DNHD1: variants seen among roughly 807,000 people sequenced by gnomAD.
DNHD1 encodes dynein heavy chain domain 1, also known as dynein heavy chain domain-containing protein 1.
A neutral mutation model predicts 458.1 loss-of-function variants in DNHD1; 383 were observed. The observed-to-expected ratio is 0.84, with a 90% CI of 0.77 to 0.91. DNHD1 has a LOEUF of 0.91. DNHD1 is among the 40% of genes least tolerant of loss of function. The pLI is 0.00. For missense variants in DNHD1, 5,336 were observed against 5,866.1 expected, an observed-to-expected ratio of 0.91 and a Z score of 2.95; for synonymous variants, 2,203 against 2,376.9, an observed-to-expected ratio of 0.93 and a Z score of 2.13.
At chr11:6,541,338 C>A (rs1853095172) in intron 18 of DNHD1, among the ~76,000 whole-genome samples, 1 of 152,176 alleles carries the variant, frequency 6.6e-6, no homozygotes, top group African/African-American at 2.4e-5. Flanking sequence ...GTGGTTGTTA[C>A]AATATTAGAT....
rs1285585021 is a variant in DNHD1, at chr11:6,566,394, G to T, written c.11206+1G>T. 3.2e-6 allele frequency: 5 copies of T among 1,558,936 alleles called. No homozygotes were observed. The highest frequency in any genetic ancestry group is 4.3e-6 in the Non-Finnish European group (5 of 1,151,268). Reference sequence around the variant, plus strand: ...CTCTCCCTCTGTGCCATGGAAAAAGGTGAGGCCCAGAGGGCAAATTGCCAG... The same window carrying T: ...CTCTCCCTCTGTGCCATGGAAAAAGTTGAGGCCCAGAGGGCAAATTGCCAG... On this transcript the variant is annotated splice_donor_variant, in intron 34 of 42. Transcript: ENST00000254579. LOFTEE classifies it high-confidence loss of function.
At position 6,508,676 on chromosome 11, in the gene DNHD1, CA is replaced by C. The variant is rs1589866296; in HGVS notation, c.921-203del. On this transcript the variant is annotated intron_variant, in intron 4 of 42. Coordinates refer to ENST00000254579, the MANE Select transcript of DNHD1 (RefSeq NM_144666.3). The stretch of plus-strand genomic sequence containing the variant: ...GGCTAGGTGCCTTTTTCTTTCTTCC[CA>C]TCTACCTTTGGCTTCGGTTTCTTCT... The C allele has an allele frequency of 2.0e-5, 11 of 558,070 alleles. No homozygotes were observed. In the East Asian group the frequency reaches 3.3e-4, roughly 17 times the overall value. The allele number at this position is 558,070 out of a possible 1,614,324, so 34.6% of individuals were successfully genotyped here.
chr11:6,556,914 T>A lies in DNHD1; in HGVS notation c.7619T>A (p.Val2540Glu). The A allele has an allele frequency of 6.4e-7, 1 of 1,551,738 alleles. No homozygotes were observed. Residue 2540 changes from valine to glutamate, a missense_variant, in exon 25 of 43, where the codon GTG becomes GAG. Val to Glu is a moderately radical substitution (Grantham distance 121). This residue lies in a region of DNHD1 where 3,932 missense variants were observed against 4,365.6 expected (regional missense o/e 0.90). Transcript: ENST00000254579. ...CAGGCCACCCTGCTGGAAAGACATG[T>A]GCCTATCATTCAGGCTTGGCTTGAG... is the stretch of plus-strand genomic sequence containing the variant. Reference protein sequence around the residue: ...MTQATLLERHVPIIQAWLERF... With the variant: ...MTQATLLERHEPIIQAWLERF...
chr11:6,556,783 T>C lies in DNHD1; in HGVS notation c.7488T>C (p.Pro2496=), dbSNP rs982294975. 5.2e-6 allele frequency: 8 copies of C among 1,551,536 alleles called. No homozygotes were observed. The African/African-American group carries it at 1.1e-4, about 21-fold the overall frequency. ...CCTTGGAACTGCAGACGCTGCAGCCTACAGTCAACTTCCTTGCCACTGTCA... is the reference window on the plus strand; with the variant it reads ...CCTTGGAACTGCAGACGCTGCAGCCCACAGTCAACTTCCTTGCCACTGTCA... The part of the protein sequence containing the change: ...HSTLELQTLQ[P]TVNFLATVTV... Residue 2496 remains proline, a synonymous_variant, in exon 25 of 43, where the codon CCT becomes CCC. Transcript: ENST00000254579.
Position 6,509,187 on chromosome 11 carries a change from G to C in DNHD1, c.1150G>C (p.Gly384Arg). 1 of 1,614,194 alleles carries C rather than the reference G, an allele frequency of 6.2e-7. No homozygotes were observed. The highest frequency in any genetic ancestry group is 8.5e-7 in the Non-Finnish European group (1 of 1,180,038). The stretch of plus-strand genomic sequence containing the variant: ...TTGGAAGAAGAATGTGAGATTACAG[G>C]GGCTGCATCGACTCCAGAAATTCCT... ...TCWKKNVRLQGLHRLQKFLEN... is the reference protein window; with the variant it reads ...TCWKKNVRLQRLHRLQKFLEN... The change falls in exon 6 of 43, where the codon GGG becomes CGG. Residue 384 changes from glycine (G) to arginine (R), a missense_variant. This residue lies in a region of DNHD1 where 3,932 missense variants were observed against 4,365.6 expected (regional missense o/e 0.90). Coordinates refer to ENST00000254579, the MANE Select transcript of DNHD1 (RefSeq NM_144666.3).
At chr11:6,512,211 C>CTTTT (rs11287049) in intron 7 of DNHD1, among the ~76,000 whole-genome samples, 177 of 91,636 alleles carry the variant, frequency 1.9e-3, no homozygotes, top group East Asian at 3.6e-3. Flanking sequence ...CTTTTTCTTT[C>CTTTT]TTTTTTTTTT....
rs115847508 is a variant in DNHD1, at chr11:6,523,212, G to A, written c.1837+2923G>A. Reference sequence around the variant, plus strand: ...TTAATTATATAATCTCTTGATGTACGTTTTGGTTGGGATGCCTGAAATTAG... The same window carrying A: ...TTAATTATATAATCTCTTGATGTACATTTTGGTTGGGATGCCTGAAATTAG... On this transcript the variant is annotated intron_variant, in intron 10 of 42. Coordinates refer to ENST00000254579, the MANE Select transcript of DNHD1 (RefSeq NM_144666.3). Among the ~76,000 whole-genome samples, 1,361 of 152,232 alleles carry A rather than the reference G, an allele frequency of 8.9e-3. 19 individuals carry two copies. The highest frequency in any genetic ancestry group is 0.031 in the African/African-American group (1,267 of 41,534).
intron 12 of DNHD1, among the ~76,000 whole-genome samples, chr11:6,529,816 G>A (rs780903441): frequency 1.5e-4 from 23 of 152,160 alleles, no homozygotes; most frequent in African/African-American, 4.6e-4. Context: ...GTAGAGCTGC[G>A]ATGTGTTTTC....
At chr11:6,568,617 G>A (rs1853763395) in intron 38 of DNHD1, 41 bp downstream of exon 38, 1 of 1,613,764 alleles carries the variant, frequency 6.2e-7, no homozygotes. Flanking sequence ...AATTGGAAGT[G>A]GGAGGGCAAC....
At chr11:6,538,260 C>A (rs1853006249) in intron 14 of DNHD1, 123 bp from the exon 15 acceptor site, 1 of 754,716 alleles carries the variant, frequency 1.3e-6, no homozygotes, top group Non-Finnish European at 2.2e-6. Flanking sequence ...TCCACCTCCC[C>A]CACCCCCAAC....
rs1259385066 is a variant in DNHD1, at chr11:6,558,946, G to T, written c.9256G>T (p.Ala3086Ser). The T allele has an allele frequency of 1.3e-6, 2 of 1,551,638 alleles. No individual in the cohort carries two copies. The highest frequency in any genetic ancestry group is 1.2e-5 in the South Asian group (1 of 84,060). ...PDLQASIPSV[A>S]KAMALIHLSA... Reference sequence around the variant, plus strand: ...CCTCCAGGCCTCAATTCCCAGTGTGGCCAAAGCCATGGCTCTTATCCACCT... The same window carrying T: ...CCTCCAGGCCTCAATTCCCAGTGTGTCCAAAGCCATGGCTCTTATCCACCT... Residue 3086 changes from alanine (A) to serine (S), a missense_variant, in exon 27 of 43, where the codon GCC becomes TCC. Physicochemically the swap from Ala to Ser is moderately conservative, Grantham distance 99. Coordinates refer to ENST00000254579, the MANE Select transcript of DNHD1 (RefSeq NM_144666.3).
intron 28 of DNHD1, 101 bp from the exon 29 acceptor site, chr11:6,562,881 T>C (rs1199399343): frequency 2.9e-6 from 4 of 1,377,958 alleles, no homozygotes; most frequent in Non-Finnish European, 3.9e-6. Flanking sequence ...GGTCAGTCTT[T>C]CAAGTGAGGA....
rs1316417107 is a variant in DNHD1, at chr11:6,557,124, C to G, written c.7829C>G (p.Ser2610Cys). The G allele has an allele frequency of 6.4e-7, 1 of 1,551,728 alleles. No individual in the cohort carries two copies. Among genetic ancestry groups the G allele is most frequent in the South Asian group, 1.2e-5 (1 of 84,052 alleles). ...SLQLLPNRTG[S>C]RGFVDYPNHQ... is the part of the protein sequence containing the mutation. ...CAGCTGCTGCCCAACAGAACAGGCT[C>G]CCGAGGTTTTGTGGACTATCCCAAC... The change falls in exon 25 of 43, where the codon TCC (serine) becomes TGC (cysteine). Residue 2610 changes from serine (S) to cysteine (C), a missense_variant. Ser to Cys is a moderately radical substitution (Grantham distance 112). Coordinates refer to ENST00000254579, the MANE Select transcript of DNHD1 (RefSeq NM_144666.3).
chr11:6,512,446 T>A (rs1852363540), intron 7 of DNHD1, among the ~76,000 whole-genome samples: 1 of 151,750 alleles, frequency 6.6e-6, no homozygotes, highest in Non-Finnish European at 1.5e-5. Context: ...ATGGTCTTGA[T>A]CTCCTGACCT....
chr11:6,537,651 G>A (rs1263843179), intron 14 of DNHD1, among the ~76,000 whole-genome samples: 1 of 152,174 alleles, frequency 6.6e-6, no homozygotes, highest in African/African-American at 2.4e-5. Context: ...GGTGCTGTCT[G>A]GCTAGGCGCA....
chr11:6,529,024 G>A lies in DNHD1; in HGVS notation c.2250G>A (p.Leu750=), dbSNP rs1589876475. ...ACTACGTGACGCTGGTGAGCCGCCT[G>A]AATGTTTGGCAGGCCCGTGTCTCCA... ...IKNYVTLVSR[L]NVWQARVSSM... is the part of the protein sequence containing the mutation. The change falls in exon 12 of 43, where the codon CTG becomes CTA. Residue 750 remains leucine, a synonymous_variant. Coordinates refer to ENST00000254579, the MANE Select transcript of DNHD1 (RefSeq NM_144666.3). The A allele has an allele frequency of 6.4e-7, 1 of 1,551,412 alleles. No homozygotes were observed. Among genetic ancestry groups the A allele is most frequent in the Non-Finnish European group, 8.7e-7 (1 of 1,146,998 alleles).
Position 6,533,140 on chromosome 11 carries a change from A to T in DNHD1, c.2461A>T (p.Thr821Ser). ...ELTDFMHIFRTINSDIHAIAQ... is the reference protein window; with the variant it reads ...ELTDFMHIFRSINSDIHAIAQ... ...CACAGATTTCATGCATATCTTCCGA[A>T]CCATCAACTCAGATATTCATGCCAT... Residue 821 changes from threonine to serine, a missense_variant, in exon 13 of 43, where the codon ACC becomes TCC. Physicochemically the swap from Thr to Ser is moderately conservative, Grantham distance 58. This residue lies in a region of DNHD1 where 3,932 missense variants were observed against 4,365.6 expected (regional missense o/e 0.90). Transcript: ENST00000254579. The T allele has an allele frequency of 1.3e-6, 2 of 1,551,676 alleles. No individual in the cohort carries two copies. The highest frequency in any genetic ancestry group is 1.2e-5 in the South Asian group (1 of 84,062).
intron 7 of DNHD1, among the ~76,000 whole-genome samples, chr11:6,518,076 A>G (rs925805360): frequency 4.6e-5 from 7 of 152,094 alleles, no homozygotes; most frequent in Non-Finnish European, 8.8e-5. Context: ...TATTGTTATC[A>G]TTACTTTTGA....
At chr11:6,518,853 T>G (rs1044748357) in intron 7 of DNHD1, among the ~76,000 whole-genome samples, 7 of 152,146 alleles carry the variant, frequency 4.6e-5, no homozygotes, top group African/African-American at 1.4e-4. Flanking sequence ...GACTGGGGCT[T>G]GAGCTCATGG....
Sources: allele counts gnomAD v4.1 joint callset (sites outside exome capture counted in the v4.1 genomes callset), GRCh38; gene constraint gnomAD v4.1.1; regional missense constraint gnomAD v4.1.1; transcripts MANE v1.5; gene names NCBI Gene and HGNC (gene_info 2026-07-23, HGNC 2026-07-21).